The following STX11 variants were observed in gnomAD, a reference collection of about 807,000 sequenced individuals.
STX11 encodes the protein syntaxin 11, also known as syntaxin-11.
A neutral mutation model predicts 19.9 loss-of-function variants in STX11; 21 were observed. The ratio of observed to expected loss-of-function variants is 1.06; its 90% CI spans 0.75 to 1.52. The LOEUF is 1.52. Among genes scored for constraint, STX11 ranks in the 40% most tolerant of loss-of-function variants. The pLI is 0.00. For synonymous variants in STX11, 193 were observed against 174.4 expected (o/e 1.11, Z -0.84); for missense variants, 438 against 405.9 (o/e 1.08, Z -0.68).
chr6:144,155,946 CTTTCTT>C lies in STX11; in HGVS notation c.-6+5245_-6+5250del, dbSNP rs1801127715. ...AAATGTGTTTTAAAATTTAATCTTT[CTTTCTT>C]TCTTTCTTTCTTTCTTTCTTTCTTT... On this transcript the variant is annotated intron_variant, in intron 1 of 1. Transcript: ENST00000367568. This position sits in a 1 kb window ranked among gnomAD's most constrained non-coding sequence, Gnocchi z 4.5. 4.2e-5 allele frequency among the ~76,000 whole-genome samples: 1 copy of C among 23,872 alleles called. No individual in the cohort carries two copies. The highest frequency in any genetic ancestry group is 1.7e-4 in the Non-Finnish European group (1 of 5,962). 15.7% of individuals were successfully genotyped at this position (23,872 alleles called of 152,430 possible). A position where few individuals can be genotyped will look rare whatever the true frequency, so the allele number is the denominator to read the frequency against.
chr6:144,143,539 C>A, the STX11 span, among the ~76,000 whole-genome samples: 1 of 152,022 alleles, frequency 6.6e-6, no homozygotes, highest in Non-Finnish European at 1.5e-5. Flanking sequence ...GAGAAGACCA[C>A]CTTAGAGGAA....
chr6:144,152,032 C>A lies in STX11; in HGVS notation c.-6+1329C>A, dbSNP rs1008195168. On this transcript the variant is annotated intron_variant, in intron 1 of 1. Coordinates refer to ENST00000367568, the MANE Select transcript of STX11 (RefSeq NM_003764.4). This position sits in a 1 kb window ranked among gnomAD's most constrained non-coding sequence, Gnocchi z 4.9. ...TCTCTGTGCCAGCCTCTTCCCTGAA[C>A]CTTGCTTGTACAACCATGAATAATA... 2.0e-5 allele frequency among the ~76,000 whole-genome samples: 3 copies of A among 152,122 alleles called. No individual in the cohort carries two copies. The highest frequency in any genetic ancestry group is 1.3e-4 in the Admixed American group (2 of 15,274).
chr6:144,159,433 G>A lies in STX11; in HGVS notation c.-6+8730G>A, dbSNP rs1387626958. ...CTGAAATATAAGTTATATCAAAATA[G>A]AAGTTACGGATTTGGCTTTGGTTAC... On this transcript the variant is annotated intron_variant, in intron 1 of 1. Coordinates refer to ENST00000367568, the MANE Select transcript of STX11 (RefSeq NM_003764.4). The surrounding 1 kb of genome is among the most constrained non-coding windows in gnomAD (Gnocchi z 4.3). Among the ~76,000 whole-genome samples, 1 of 152,190 alleles carries A rather than the reference G, an allele frequency of 6.6e-6. No homozygotes were observed. The highest frequency in any genetic ancestry group is 1.9e-4 in the East Asian group (1 of 5,192).
rs1301174781 is a variant in STX11, at chr6:144,182,986, C to T, written c.-5-3637C>T. 6.6e-6 allele frequency among the ~76,000 whole-genome samples: 1 copy of T among 152,214 alleles called. No homozygotes were observed. The highest frequency in any genetic ancestry group is 1.5e-5 in the Non-Finnish European group (1 of 68,034). On this transcript the variant is annotated intron_variant, in intron 1 of 1. Transcript: ENST00000367568. This position sits in a 1 kb window ranked among gnomAD's most constrained non-coding sequence, Gnocchi z 4.8. The stretch of plus-strand genomic sequence containing the variant: ...TAGCTAATGTGCTTTCCCCAGGTAG[C>T]ATAAAATGTTAACTTGATTGCCATG...
rs996822502 is a variant in STX11 at position 144,151,747 on chromosome 6, G to A, written c.-6+1044G>A. Among the ~76,000 whole-genome samples the A allele has an allele frequency of 6.6e-6, 1 of 152,222 alleles. No individual in the cohort carries two copies. The highest frequency in any genetic ancestry group is 1.5e-5 in the Non-Finnish European group (1 of 68,030). ...GTATCATTTAATGTGGTGATTGTAAGTAACTCTCTAAAATCAAAATATTTC... is the reference window on the plus strand; with the variant it reads ...GTATCATTTAATGTGGTGATTGTAAATAACTCTCTAAAATCAAAATATTTC... On this transcript the variant is annotated intron_variant, in intron 1 of 1. Transcript: ENST00000367568. This position sits in a 1 kb window ranked among gnomAD's most constrained non-coding sequence, Gnocchi z 4.6.
chr6:144,186,485 G>A, intron 1 of STX11, 138 bp from the exon 2 acceptor site: 1 of 986,838 alleles, frequency 1.0e-6, no homozygotes, highest in African/African-American at 1.6e-5. Flanking sequence ...AGAACATTTA[G>A]CTCCTTTAGT....
At position 144,167,348 on chromosome 6, in the gene STX11, T is replaced by C. The variant is rs1448700962; in HGVS notation, c.-6+16645T>C. 6.6e-6 allele frequency among the ~76,000 whole-genome samples: 1 copy of C among 152,242 alleles called. No individual in the cohort carries two copies. The highest frequency in any genetic ancestry group is 1.5e-5 in the Non-Finnish European group (1 of 68,042). ...GGATTTTGGAATATTTGCATATACA[T>C]CATGAGATATCTTGGGGATAAGACC... On this transcript the variant is annotated intron_variant, in intron 1 of 1. Coordinates refer to ENST00000367568, the MANE Select transcript of STX11 (RefSeq NM_003764.4). This position sits in a 1 kb window ranked among gnomAD's most constrained non-coding sequence, Gnocchi z 5.0.
At chr6:144,157,521 G>A (rs990332522) in intron 1 of STX11, among the ~76,000 whole-genome samples, 10 of 152,224 alleles carry the variant, frequency 6.6e-5, no homozygotes, top group African/African-American at 2.4e-4. Context: ...GTGTCTGATG[G>A]CCCAGACCAT....
Position 144,184,028 on chromosome 6 carries a change from C to T in STX11, c.-5-2595C>T, listed in dbSNP as rs923660214. On this transcript the variant is annotated intron_variant, in intron 1 of 1. Transcript: ENST00000367568. The surrounding 1 kb of genome is among the most constrained non-coding windows in gnomAD (Gnocchi z 6.5). The stretch of plus-strand genomic sequence containing the variant: ...TTAGTTTGCTGAGGATAATGGCTTC[C>T]AGCTTCATCCATGTCCCTGCAAAGA... Among the ~76,000 whole-genome samples the T allele has an allele frequency of 1.6e-4, 25 of 152,286 alleles. No individual in the cohort carries two copies. The highest frequency in any genetic ancestry group is 1.0e-3 in the Admixed American group (16 of 15,308).
At chr6:144,164,204 A>C (rs930595948) in intron 1 of STX11, among the ~76,000 whole-genome samples, 1 of 152,216 alleles carries the variant, frequency 6.6e-6, no homozygotes, top group Non-Finnish European at 1.5e-5. Context: ...TGCCTTGTGA[A>C]TATTACTTAA....
rs1801747362 is a variant in STX11 at position 144,175,167 on chromosome 6, TAGG to T, written c.-5-11452_-5-11450del. 6.6e-6 allele frequency among the ~76,000 whole-genome samples: 1 copy of T among 151,252 alleles called. No individual in the cohort carries two copies. Among genetic ancestry groups the T allele is most frequent in the African/African-American group, 2.4e-5 (1 of 41,138 alleles). ...CAGGAGGCTTAGGCATTGCTAAACA[TAGG>T]AGGCAGAGGCTGCAGTGAGCCATGA... is the stretch of plus-strand genomic sequence containing the variant. On this transcript the variant is annotated intron_variant, in intron 1 of 1. Coordinates refer to ENST00000367568, the MANE Select transcript of STX11 (RefSeq NM_003764.4). This position sits in a 1 kb window ranked among gnomAD's most constrained non-coding sequence, Gnocchi z 5.1.
intron 1 of STX11, among the ~76,000 whole-genome samples, chr6:144,179,363 T>C (rs1286687208): frequency 6.6e-6 from 1 of 152,166 alleles, no homozygotes; most frequent in Non-Finnish European, 1.5e-5. Flanking sequence ...AGATGTGTCA[T>C]TTTAAAAATC....
intron 1 of STX11, among the ~76,000 whole-genome samples, chr6:144,186,054 CT>C (rs59082171): frequency 0.018 from 2,481 of 138,194 alleles, 52 homozygotes; most frequent in African/African-American, 0.049. Flanking sequence ...CTTCTTTTTT[CT>C]TTTTTTTTTT....
At chr6:144,186,562 C>T (rs1360986832) in intron 1 of STX11, 61 bp from the exon 2 acceptor site, 2 of 1,609,172 alleles carry the variant, frequency 1.2e-6, no homozygotes, top group African/African-American at 1.3e-5. Flanking sequence ...AGTTTCAATC[C>T]CTTGAAGGCA....
chr6:144,141,779 G>A, the STX11 span, among the ~76,000 whole-genome samples: 1 of 151,768 alleles, frequency 6.6e-6, no homozygotes, highest in African/African-American at 2.4e-5. Context: ...ACTGGGCTTG[G>A]GTGATTCTCC....
At chr6:144,143,567 G>C in the STX11 span, among the ~76,000 whole-genome samples, 2 of 152,244 alleles carry the variant, frequency 1.3e-5, no homozygotes, top group East Asian at 3.9e-4. Flanking sequence ...CTTTTGTTGA[G>C]GGGCATACAC....
rs752790166 is a variant in STX11, at chr6:144,186,768, C to T, written c.141C>T (p.Asp47=). 4.3e-6 allele frequency: 7 copies of T among 1,614,078 alleles called. No homozygotes were observed. Among genetic ancestry groups the T allele is most frequent in the African/African-American group, 1.3e-5 (1 of 75,066 alleles). ...TDHILESLYR[D]IRDIQDENQL... ...ACATCCTGGAGTCCCTGTACCGAGA[C>T]ATCCGGGACATTCAGGATGAAAACC... The change falls in exon 2 of 2, where the codon GAC becomes GAT. Residue 47 remains aspartate, a synonymous_variant. Coordinates refer to ENST00000367568, the MANE Select transcript of STX11 (RefSeq NM_003764.4).
chr6:144,189,497 T>G lies in STX11; in HGVS notation c.*2006T>G, dbSNP rs144230592. Among the ~76,000 whole-genome samples, 7 of 152,334 alleles carry G rather than the reference T, an allele frequency of 4.6e-5. No individual in the cohort carries two copies. In the East Asian group the frequency reaches 1.3e-3, roughly 29 times the overall value. ...AGATATGGTGTAGTCTGCAAACTTCTTAATGCCCTTACCCACATTTACCAT... is the reference window on the plus strand; with the variant it reads ...AGATATGGTGTAGTCTGCAAACTTCGTAATGCCCTTACCCACATTTACCAT... On this transcript the variant is annotated 3_prime_UTR_variant, in exon 2 of 2. Transcript: ENST00000367568.
At position 144,151,196 on chromosome 6, in the gene STX11, C is replaced by G. The variant is rs1380208390; in HGVS notation, c.-6+493C>G. On this transcript the variant is annotated intron_variant, in intron 1 of 1. Transcript: ENST00000367568. The surrounding 1 kb of genome is among the most constrained non-coding windows in gnomAD (Gnocchi z 4.6). ...AAGACGGAGAAATTGATAGAGCCTT[C>G]GAGGAGTCCCTTCGAAGCCCACGTA... 8.2e-6 allele frequency: 8 copies of G among 978,084 alleles called. No individual in the cohort carries two copies. In the African/African-American group the frequency reaches 1.4e-4, roughly 17 times the overall value. The allele number at this position is 978,084 out of a possible 1,614,324, so 60.6% of individuals were successfully genotyped here.
Sources: gnomAD v4.1 joint callset for allele counts (sites outside exome capture counted in the v4.1 genomes callset) on GRCh38, gnomAD v4.1.1 for gene constraint, Gnocchi (gnomAD v3.1) non-coding constraint, MANE v1.5 for transcripts, NCBI Gene and HGNC (gene_info 2026-07-23, HGNC 2026-07-21) for gene names.